Variants in TTC21B observed in about 807,000 individuals in gnomAD.
TTC21B encodes tetratricopeptide repeat domain 21B.
A neutral mutation model predicts 175.1 loss-of-function variants in TTC21B; 127 were observed. The ratio of observed to expected loss-of-function variants is 0.73; its 90% CI spans 0.63 to 0.84. TTC21B has a LOEUF of 0.84. Ranked by LOEUF, TTC21B falls within the 40% of genes least tolerant of loss-of-function variation. The pLI, the probability that TTC21B is intolerant of heterozygous loss-of-function variation, is 0.00. For synonymous variants in TTC21B, 524 were observed against 524.5 expected (o/e 1.00, Z 0.01); for missense variants, 1,561 against 1,558.3 (o/e 1.00, Z -0.03).
chr2:165,949,294 A>G (rs1687686722), intron 3 of TTC21B, 100 bp downstream of exon 3: 1 of 884,528 alleles, frequency 1.1e-6, no homozygotes, highest in South Asian at 1.4e-5. Flanking sequence ...CAGAAAATAC[A>G]TAATATAGTG....
intron 22 of TTC21B, among the ~76,000 whole-genome samples, chr2:165,898,383 G>A (rs926026130): frequency 1.3e-5 from 2 of 152,146 alleles, no homozygotes; most frequent in Admixed American, 6.5e-5. Context: ...GCAAGAAATG[G>A]GGCAAGGGTG....
At chr2:165,917,547 C>T in intron 13 of TTC21B, 66 bp from the exon 14 acceptor site, 2 of 1,276,458 alleles carry the variant, frequency 1.6e-6, no homozygotes, top group South Asian at 2.4e-5. Context: ...TACAATCCAT[C>T]AAACATTAAA....
chr2:165,919,352 G>A lies in TTC21B; in HGVS notation c.1598C>T (p.Ala533Val). The part of the protein sequence containing the change: ...PSYADAHLLL[A>V]QVYLSQEKVK... The stretch of plus-strand genomic sequence containing the variant: ...TTTTTCTTGAGACAAGTAAACCTGA[G>A]CTAGCAGCAGATGAGCATCAGCATA... The change falls in exon 13 of 29, where the codon GCT (alanine) becomes GTT (valine). Residue 533 changes from alanine to valine, a missense_variant. By Grantham distance (64) the Ala-to-Val change is moderately conservative. Coordinates refer to ENST00000243344, the MANE Select transcript of TTC21B (RefSeq NM_024753.5). 6.2e-7 allele frequency: 1 copy of A among 1,614,036 alleles called. No individual in the cohort carries two copies. The highest frequency in any genetic ancestry group is 8.5e-7 in the Non-Finnish European group (1 of 1,179,956).
intron 1 of TTC21B, among the ~76,000 whole-genome samples, chr2:165,951,270 C>T (rs1293466071): frequency 6.6e-6 from 1 of 152,240 alleles, no homozygotes; most frequent in South Asian, 2.1e-4. Flanking sequence ...AAAAAGGACG[C>T]GAATTTAAAG....
chr2:165,885,257 A>C (rs181734657), intron 25 of TTC21B, among the ~76,000 whole-genome samples: 281 of 152,310 alleles, frequency 1.8e-3, no homozygotes, highest in Non-Finnish European at 3.3e-3. Context: ...ACTCATAAGG[A>C]ATACTGCAAA....
At chr2:165,911,576 G>C in intron 17 of TTC21B, 111 bp from the exon 18 acceptor site, 2 of 1,333,678 alleles carry the variant, frequency 1.5e-6, no homozygotes, top group Non-Finnish European at 2.1e-6. Context: ...AAATAACCAG[G>C]AAGAATTGTA....
At chr2:165,930,927 T>C (rs1346609292) in intron 8 of TTC21B, among the ~76,000 whole-genome samples, 1 of 151,994 alleles carries the variant, frequency 6.6e-6, no homozygotes, top group Non-Finnish European at 1.5e-5. Flanking sequence ...TTAGAATAAG[T>C]ACATAATTTT....
intron 28 of TTC21B, among the ~76,000 whole-genome samples, chr2:165,875,085 A>G (rs1378381951): frequency 6.6e-6 from 1 of 152,214 alleles, no homozygotes; most frequent in Non-Finnish European, 1.5e-5. Flanking sequence ...TACCTAATAG[A>G]TGAATTGTAT....
intron 19 of TTC21B, among the ~76,000 whole-genome samples, chr2:165,906,719 G>C (rs1003790667): frequency 6.6e-6 from 1 of 151,986 alleles, no homozygotes; most frequent in South Asian, 2.1e-4. Context: ...CCGTGGCAGG[G>C]GGAATCACCT....
rs6432853 is a variant in TTC21B, at chr2:165,945,414, C to G, written c.429+110G>C. On this transcript the variant is annotated intron_variant, in intron 4 of 28. Coordinates refer to ENST00000243344, the MANE Select transcript of TTC21B (RefSeq NM_024753.5). ...TTAAAATAAAGCTGTTATTTACAAA[C>G]TGGCAATAGAGTGAACAATAATAAA... 0.62 allele frequency: 614,884 copies of G among 984,408 alleles called. 194,269 individuals carry two copies. Among genetic ancestry groups the G allele is most frequent in the East Asian group, 0.8 (30,697 of 38,162 alleles). 61.0% of individuals were successfully genotyped at this position (984,408 alleles called of 1,614,324 possible).
chr2:165,930,172 C>T lies in TTC21B; in HGVS notation c.1087G>A (p.Gly363Arg). 1 of 1,612,122 alleles carries T rather than the reference C, an allele frequency of 6.2e-7. No individual in the cohort carries two copies. Among genetic ancestry groups the T allele is most frequent in the South Asian group, 1.1e-5 (1 of 90,918 alleles). Reference protein sequence around the residue: ...LDETSVSALVGFIQCQLIEGQ... With the variant: ...LDETSVSALVRFIQCQLIEGQ... ...ATATTTATGAAAACAGTTGTCATAC[C>T]AACTAGGGCAGACACACTAGTCTCA... The change falls in exon 9 of 29, where the codon GGA becomes AGA. Residue 363 changes from glycine to arginine, a missense_variant and splice_region_variant. Transcript: ENST00000243344.
rs1024625891 is a variant in TTC21B at position 165,880,602 on chromosome 2, A to G, written c.3805+77T>C. The G allele has an allele frequency of 2.6e-6, 4 of 1,512,870 alleles. No individual in the cohort carries two copies. In the African/African-American group the frequency reaches 5.5e-5, roughly 21 times the overall value. 93.7% of individuals were successfully genotyped at this position (1,512,870 alleles called of 1,614,324 possible). On this transcript the variant is annotated intron_variant, in intron 27 of 28. Coordinates refer to ENST00000243344, the MANE Select transcript of TTC21B (RefSeq NM_024753.5). ...CAATGTTTATTTTGTTTTGAAAAAA[A>G]TCAAATGCATTTAAATGAAAATTAA...
intron 15 of TTC21B, among the ~76,000 whole-genome samples, chr2:165,914,115 T>C (rs535794011): frequency 6.6e-6 from 1 of 152,332 alleles, no homozygotes; most frequent in South Asian, 2.1e-4. Flanking sequence ...TTGCTTACAT[T>C]TGACCTGAAA....
At chr2:165,909,455 C>T (rs961396839) in intron 18 of TTC21B, among the ~76,000 whole-genome samples, 6 of 151,196 alleles carry the variant, frequency 4.0e-5, no homozygotes, top group Non-Finnish European at 5.9e-5. Flanking sequence ...AAAGACAGCC[C>T]GGGAGAAAAT....
chr2:165,879,392 T>C (rs1684770379), intron 27 of TTC21B, among the ~76,000 whole-genome samples: 1 of 152,242 alleles, frequency 6.6e-6, no homozygotes, highest in Admixed American at 6.5e-5. Context: ...ACTATAAAAA[T>C]CATTAGTTTT....
intron 19 of TTC21B, among the ~76,000 whole-genome samples, chr2:165,905,781 G>A (rs1430231390): frequency 1.3e-5 from 2 of 152,194 alleles, no homozygotes; most frequent in Non-Finnish European, 2.9e-5. Flanking sequence ...CAGGGAAGAT[G>A]TACAGAAATC....
chr2:165,894,831 T>C (rs1018460399), intron 22 of TTC21B, among the ~76,000 whole-genome samples: 9 of 152,162 alleles, frequency 5.9e-5, no homozygotes, highest in Non-Finnish European at 1.0e-4. Context: ...GAGTCTACAG[T>C]GTAATAAAGA....
chr2:165,917,306 A>G lies in TTC21B; in HGVS notation c.1850T>C (p.Leu617Ser). ...GTCTATCAATTCAAGAAAGATCGAT[A>G]AACGATGGCTTGTATCAACTTCAGT... The part of the protein sequence containing the change: ...RKTEVDTSHR[L>S]SIFLELIDVH... Residue 617 changes from leucine to serine, a missense_variant, in exon 14 of 29, where the codon TTA (leucine) becomes TCA (serine). Physicochemically the swap from Leu to Ser is moderately radical, Grantham distance 145. Transcript: ENST00000243344. 6.2e-7 allele frequency: 1 copy of G among 1,614,202 alleles called. No individual in the cohort carries two copies. The highest frequency in any genetic ancestry group is 8.5e-7 in the Non-Finnish European group (1 of 1,180,030).
At chr2:165,878,097 TA>T (rs1480655119) in intron 27 of TTC21B, among the ~76,000 whole-genome samples, 5 of 152,328 alleles carry the variant, frequency 3.3e-5, no homozygotes, top group Non-Finnish European at 7.4e-5. Flanking sequence ...ACTCTTAGTA[TA>T]ATTTTAAAAA....
Sources: gnomAD v4.1 joint callset for allele counts (sites outside exome capture counted in the v4.1 genomes callset) on GRCh38, gnomAD v4.1.1 for gene constraint, MANE v1.5 for transcripts, NCBI Gene and HGNC (gene_info 2026-07-23, HGNC 2026-07-21) for gene names.